Variants in PKP1 observed in about 807,000 individuals in gnomAD.
PKP1 encodes the protein plakophilin-1.
PKP1 carries 27 observed loss-of-function variants against 76.4 expected under a neutral mutation model. The ratio of observed to expected loss-of-function variants is 0.35; its 90% CI spans 0.26 to 0.49. The LOEUF (loss-of-function observed/expected upper bound fraction) is 0.49. PKP1 is among the 20% of genes least tolerant of loss of function. The pLI, the probability that PKP1 is intolerant of heterozygous loss-of-function variation, is 0.99. For synonymous variants in PKP1, 404 were observed against 384.2 expected (o/e 1.05, Z -0.60); for missense variants, 964 against 955.2 (o/e 1.01, Z -0.12).
chr1:201,320,629 G>A (rs751046079), intron 7 of PKP1, among the ~76,000 whole-genome samples: 31 of 152,252 alleles, frequency 2.0e-4, no homozygotes, highest in Non-Finnish European at 4.4e-4. Context: ...TCTGTTTCCC[G>A]GTTCACTCTT....
chr1:201,308,093 G>C (rs1238837887), intron 2 of PKP1, among the ~76,000 whole-genome samples: 1 of 152,270 alleles, frequency 6.6e-6, no homozygotes, highest in Non-Finnish European at 1.5e-5. Context: ...TGTCCAGCTA[G>C]AGTTGGATAG....
rs112051548 is a variant in PKP1 at position 201,294,068 on chromosome 1, A to T, written c.306+23A>T. 4.5e-4 allele frequency: 669 copies of T among 1,485,850 alleles called. 8 individuals are homozygous for T. The African/African-American group carries it at 7.9e-3, about 18-fold the overall frequency. The allele number at this position is 1,485,850 out of a possible 1,614,324, so 92.0% of individuals were successfully genotyped here. ...CCGGTAAGGAACTGCTTCCATCCTA[A>T]AAGACCTGGAGTACTTGTGGGGATG... On this transcript the variant is annotated intron_variant, in intron 2 of 13. Coordinates refer to ENST00000367324, the MANE Select transcript of PKP1 (RefSeq NM_001005337.3).
chr1:201,313,375 G>A lies in PKP1; in HGVS notation c.516G>A (p.Leu172=), dbSNP rs767950729. 3.8e-6 allele frequency: 6 copies of A among 1,581,080 alleles called. No homozygotes were observed. Among genetic ancestry groups the A allele is most frequent in the African/African-American group, 1.3e-5 (1 of 74,458 alleles). ...GGGGCACCCTGCGCAAGGGCACGCT[G>A]GGCAGCAAGGGCCAGAAGACCACCC... ...DPRGTLRKGT[L]GSKGQKTTQN... is the part of the protein sequence containing the mutation. The change falls in exon 3 of 14, where the codon CTG becomes CTA. Residue 172 remains leucine (L), a synonymous_variant. Transcript: ENST00000367324.
intron 12 of PKP1, among the ~76,000 whole-genome samples, chr1:201,327,680 T>G (rs1197195081): frequency 4.0e-5 from 6 of 150,358 alleles, no homozygotes; most frequent in East Asian, 2.0e-4. Context: ...CTTCTACACA[T>G]GCCTTTGGGA....
chr1:201,320,274 A>G lies in PKP1; in HGVS notation c.1240A>G (p.Ser414Gly). The change falls in exon 7 of 14, where the codon AGC becomes GGC. Residue 414 changes from serine (S) to glycine (G), a missense_variant. Coordinates refer to ENST00000367324, the MANE Select transcript of PKP1 (RefSeq NM_001005337.3). ...CCCTCTTCTCTCCCCCAGGAACCTG[A>G]GCTCGGCCGATGCAGGCCGCCAGAC... is the stretch of plus-strand genomic sequence containing the variant. ...FNATGCLRNLSSADAGRQTMR... is the reference protein window; with the variant it reads ...FNATGCLRNLGSADAGRQTMR... 1.9e-6 allele frequency: 3 copies of G among 1,610,772 alleles called. No homozygotes were observed. The highest frequency in any genetic ancestry group is 2.5e-6 in the Non-Finnish European group (3 of 1,177,554).
intron 5 of PKP1, 139 bp from the exon 6 acceptor site, chr1:201,318,479 A>G (rs1162103504): frequency 7.0e-6 from 5 of 717,178 alleles, no homozygotes; most frequent in Admixed American, 4.1e-5. Context: ...GACAGACAAT[A>G]GGTTCTACAG....
intron 12 of PKP1, among the ~76,000 whole-genome samples, chr1:201,327,565 T>C (rs1657184753): frequency 6.6e-6 from 1 of 151,668 alleles, no homozygotes; most frequent in Admixed American, 6.6e-5. Flanking sequence ...TTCCTCCCGC[T>C]GTGTAATGGT....
chr1:201,324,698 A>G, intron 10 of PKP1, 117 bp downstream of exon 10: 3 of 1,330,760 alleles, frequency 2.3e-6, no homozygotes, highest in Non-Finnish European at 1.1e-6. Flanking sequence ...CCAAGAAAGG[A>G]AGCTGGCCAA....
At chr1:201,295,215 A>C (rs926406434) in intron 2 of PKP1, among the ~76,000 whole-genome samples, 1 of 151,950 alleles carries the variant, frequency 6.6e-6, no homozygotes, top group Non-Finnish European at 1.5e-5. Context: ...GGAGTTTATA[A>C]GTTTGGTGTT....
At chr1:201,284,914 G>A (rs1167235473) in intron 1 of PKP1, among the ~76,000 whole-genome samples, 5 of 152,174 alleles carry the variant, frequency 3.3e-5, no homozygotes, top group African/African-American at 1.2e-4. Flanking sequence ...GGAGAAAGGG[G>A]CAGCACCCAG....
intron 2 of PKP1, among the ~76,000 whole-genome samples, chr1:201,311,970 C>T (rs1656570814): frequency 6.6e-6 from 1 of 152,236 alleles, no homozygotes; most frequent in African/African-American, 2.4e-5. Context: ...GGCCGACTCC[C>T]CACTTGGGCT....
chr1:201,319,612 A>G (rs1656875226), intron 6 of PKP1, among the ~76,000 whole-genome samples: 2 of 152,180 alleles, frequency 1.3e-5, no homozygotes, highest in South Asian at 4.1e-4. Flanking sequence ...TTGATGTGCT[A>G]CTGGTAGCAA....
In PKP1 at chr1:201,313,386, G is replaced by A. The variant is rs755107849; in HGVS notation, c.527G>A (p.Gly176Asp). ...CGCAAGGGCACGCTGGGCAGCAAGG[G>A]CCAGAAGACCACCCAGAACCGCTAC... ...TLRKGTLGSKGQKTTQNRYSF... is the reference protein window; with the variant it reads ...TLRKGTLGSKDQKTTQNRYSF... The change falls in exon 3 of 14, where the codon GGC becomes GAC. Residue 176 changes from glycine (G) to aspartate (D), a missense_variant. By Grantham distance (94) the Gly-to-Asp change is moderately conservative. Coordinates refer to ENST00000367324, the MANE Select transcript of PKP1 (RefSeq NM_001005337.3). 6 of 1,582,452 alleles carry A rather than the reference G, an allele frequency of 3.8e-6. No individual in the cohort carries two copies. The African/African-American group carries it at 5.4e-5, about 14-fold the overall frequency.
At position 201,286,791 on chromosome 1, in the gene PKP1, G is replaced by A. The variant is rs548916334; in HGVS notation, c.202+2887G>A. Among the ~76,000 whole-genome samples, 7 of 152,258 alleles carry A rather than the reference G, an allele frequency of 4.6e-5. No individual in the cohort carries two copies. In the South Asian group the frequency reaches 1.5e-3, roughly 32 times the overall value. ...GCCTCCTTTTCTTCCCAGACTGTGT[G>A]GAAGGCAAGGGGAAACTGAGGGGGA... is the stretch of plus-strand genomic sequence containing the variant. On this transcript the variant is annotated intron_variant, in intron 1 of 13. Coordinates refer to ENST00000367324, the MANE Select transcript of PKP1 (RefSeq NM_001005337.3).
chr1:201,289,648 C>T (rs1655852553), intron 1 of PKP1, among the ~76,000 whole-genome samples: 1 of 151,394 alleles, frequency 6.6e-6, no homozygotes, highest in Non-Finnish European at 1.5e-5. Flanking sequence ...GAGCTCCCAG[C>T]TTGGTTGGGG....
intron 2 of PKP1, among the ~76,000 whole-genome samples, chr1:201,300,432 G>C (rs935002317): frequency 6.6e-6 from 1 of 152,244 alleles, no homozygotes. Context: ...GGCTGAGCTC[G>C]GGGAGCTTCC....
At chr1:201,320,088 T>C (rs1656889662) in intron 6 of PKP1, 179 bp from the exon 7 acceptor site, 1 of 696,502 alleles carries the variant, frequency 1.4e-6, no homozygotes. Context: ...CTCCCTTTCC[T>C]CTTCTCCTTC....
intron 12 of PKP1, among the ~76,000 whole-genome samples, chr1:201,326,411 A>G (rs1657128326): frequency 6.6e-6 from 1 of 152,220 alleles, no homozygotes; most frequent in Non-Finnish European, 1.5e-5. Context: ...CTCCCCAGCT[A>G]GCCAGGTACA....
chr1:201,308,766 G>A (rs1405654802), intron 2 of PKP1, among the ~76,000 whole-genome samples: 11 of 152,102 alleles, frequency 7.2e-5, no homozygotes, highest in Admixed American at 5.2e-4. Context: ...CTTGTAAGGA[G>A]CAGACACTGT....
Sources: gnomAD v4.1 joint callset for allele counts (sites outside exome capture counted in the v4.1 genomes callset) on GRCh38, gnomAD v4.1.1 for gene constraint, MANE v1.5 for transcripts, NCBI Gene and HGNC (gene_info 2026-07-23, HGNC 2026-07-21) for gene names.